Variants in CDH4 observed in about 807,000 individuals in gnomAD.
The protein encoded by CDH4 is cadherin 4.
A neutral mutation model predicts 86.0 loss-of-function variants in CDH4; 33 were observed. The observed-to-expected ratio is 0.38, with a 90% confidence interval of 0.29 to 0.51. The LOEUF is 0.51. Ranked by LOEUF, CDH4 falls within the 20% of genes least tolerant of loss-of-function variation. The probability of loss-of-function intolerance (pLI) is 0.86; values close to 1 mark genes in which losing one functional copy is unlikely to be tolerated. For missense variants in CDH4, 1,114 were observed against 1,307.4 expected (o/e 0.85, Z 2.28); for synonymous variants, 555 against 549.4 (o/e 1.01, Z -0.14).
intron 2 of CDH4, among the ~76,000 whole-genome samples, chr20:61,285,621 C>T (rs2084289408): frequency 6.6e-6 from 1 of 152,184 alleles, no homozygotes; most frequent in South Asian, 2.1e-4. Flanking sequence ...GGAAATGAAA[C>T]ATTATTAACC....
chr20:61,353,675 TC>T (rs1568810374), intron 2 of CDH4, among the ~76,000 whole-genome samples: 1 of 26,310 alleles, frequency 3.8e-5, no homozygotes, highest in Non-Finnish European at 7.0e-5. Flanking sequence ...CTCTTCCCCC[TC>T]CTCCTCCCCC....
intron 2 of CDH4, among the ~76,000 whole-genome samples, chr20:61,587,108 A>G (rs1022455362): frequency 1.3e-5 from 2 of 152,206 alleles, no homozygotes; most frequent in Admixed American, 6.5e-5. Flanking sequence ...TCTCAGCATC[A>G]GTACCATTGA....
At chr20:61,483,285 T>TC (rs951185841) in intron 2 of CDH4, among the ~76,000 whole-genome samples, 21 of 152,144 alleles carry the variant, frequency 1.4e-4, no homozygotes, top group Admixed American at 2.6e-4. Context: ...GACATAACTC[T>TC]CCCCCTTCAA....
At chr20:61,324,804 C>A (rs187298845) in intron 2 of CDH4, among the ~76,000 whole-genome samples, 1 of 152,166 alleles carries the variant, frequency 6.6e-6, no homozygotes, top group East Asian at 1.9e-4. Flanking sequence ...CAAGGCACTT[C>A]GGCTGTGTGT....
intron 7 of CDH4, among the ~76,000 whole-genome samples, chr20:61,882,046 T>C (rs1039360418): frequency 6.6e-6 from 1 of 152,146 alleles, no homozygotes; most frequent in Non-Finnish European, 1.5e-5. Flanking sequence ...GGACAGGTCC[T>C]CCCTCAAGCC....
At chr20:61,918,452 G>T (rs545398904) in intron 9 of CDH4, among the ~76,000 whole-genome samples, 2 of 152,170 alleles carry the variant, frequency 1.3e-5, no homozygotes, top group Non-Finnish European at 2.9e-5. Context: ...CCACACTGGC[G>T]CTGTGCTGGA....
At chr20:61,644,837 G>A (rs1190305343) in intron 2 of CDH4, among the ~76,000 whole-genome samples, 1 of 152,190 alleles carries the variant, frequency 6.6e-6, no homozygotes, top group Non-Finnish European at 1.5e-5. Context: ...CTCCTCCCCG[G>A]CCTGTCCAGC....
chr20:61,386,828 A>G (rs2084953932), intron 2 of CDH4, among the ~76,000 whole-genome samples: 1 of 152,234 alleles, frequency 6.6e-6, no homozygotes, highest in Admixed American at 6.5e-5. Flanking sequence ...CAGGTTCCAA[A>G]GGTGCTTCCT....
chr20:61,602,074 T>C (rs1392799356), intron 2 of CDH4, among the ~76,000 whole-genome samples: 1 of 152,142 alleles, frequency 6.6e-6, no homozygotes, highest in Non-Finnish European at 1.5e-5. Context: ...GGGGTGGAGC[T>C]GCGCCGTGCC....
intron 3 of CDH4, among the ~76,000 whole-genome samples, chr20:61,772,119 G>A (rs2088782110): frequency 6.6e-6 from 1 of 152,216 alleles, no homozygotes; most frequent in Non-Finnish European, 1.5e-5. Context: ...TCCCATAGCA[G>A]TCCCTAAACT....
chr20:61,638,030 T>TAAAAAA lies in CDH4; in HGVS notation c.170-105528_170-105523dup, dbSNP rs10664878. Among the ~76,000 whole-genome samples, 11 of 141,388 alleles carry TAAAAAA rather than the reference T, an allele frequency of 7.8e-5. 1 individual carries two copies. The highest frequency in any genetic ancestry group is 1.1e-4 in the African/African-American group (4 of 37,216). 92.8% of individuals were successfully genotyped at this position (141,388 alleles called of 152,430 possible). A position where few individuals can be genotyped will look rare whatever the true frequency, so the allele number is the denominator to read the frequency against. On this transcript the variant is annotated intron_variant, in intron 2 of 15. Coordinates refer to ENST00000614565, the MANE Select transcript of CDH4 (RefSeq NM_001794.5). The stretch of plus-strand genomic sequence containing the variant: ...TGGGCAACAAGAATAAAACTCCGTC[T>TAAAAAA]AAAAAAAAAATGAAGAGAGGAGAGG...
chr20:61,768,253 A>G (rs1468077680), intron 3 of CDH4, among the ~76,000 whole-genome samples: 1 of 152,220 alleles, frequency 6.6e-6, no homozygotes, highest in Non-Finnish European at 1.5e-5. Context: ...TGTAGAATGC[A>G]TAAACACACA....
intron 2 of CDH4, among the ~76,000 whole-genome samples, chr20:61,525,855 C>T (rs189038719): frequency 1.1e-3 from 166 of 152,252 alleles, no homozygotes; most frequent in Admixed American, 6.8e-3. Flanking sequence ...GGGCCGGGCA[C>T]CGTAAGTCCT....
At chr20:61,342,183 C>T (rs993854448) in intron 2 of CDH4, among the ~76,000 whole-genome samples, 2 of 152,146 alleles carry the variant, frequency 1.3e-5, no homozygotes, top group South Asian at 2.1e-4. Flanking sequence ...TTTGGCACCA[C>T]GGACCCGTTT....
At chr20:61,302,392 A>G (rs999115357) in intron 2 of CDH4, among the ~76,000 whole-genome samples, 3 of 152,246 alleles carry the variant, frequency 2.0e-5, no homozygotes, top group Non-Finnish European at 4.4e-5. Context: ...TAAACCAGCC[A>G]AAGTGATGAA....
chr20:61,472,085 A>G (rs756019087), intron 2 of CDH4, among the ~76,000 whole-genome samples: 2 of 152,178 alleles, frequency 1.3e-5, no homozygotes, highest in Admixed American at 6.5e-5. Flanking sequence ...GATCCATCCA[A>G]TGCTGAAAGT....
rs543205428 is a variant in CDH4 at position 61,281,851 on chromosome 20, C to T, written c.169+26914C>T. On this transcript the variant is annotated intron_variant, in intron 2 of 15. Coordinates refer to ENST00000614565, the MANE Select transcript of CDH4 (RefSeq NM_001794.5). ...GACATGATTGCAGACATGTTAGACACGAAAGAAAACACACTGGCTCTGCAG... is the reference window on the plus strand; with the variant it reads ...GACATGATTGCAGACATGTTAGACATGAAAGAAAACACACTGGCTCTGCAG... Among the ~76,000 whole-genome samples the T allele has an allele frequency of 5.6e-4, 86 of 152,282 alleles. 1 individual carries two copies. Among genetic ancestry groups the T allele is most frequent in the African/African-American group, 1.8e-3 (73 of 41,548 alleles).
chr20:61,499,358 C>T (rs2085684201), intron 2 of CDH4: 3 of 892,116 alleles, frequency 3.4e-6, no homozygotes, highest in Non-Finnish European at 3.2e-6. Context: ...AGAAGGATAG[C>T]AGTGCCTCTT....
chr20:61,581,908 C>A (rs543224356), intron 2 of CDH4, among the ~76,000 whole-genome samples: 2 of 152,178 alleles, frequency 1.3e-5, no homozygotes, highest in South Asian at 2.1e-4. Context: ...TCTCCCCAGC[C>A]GGTAGACCTG....
Sources: allele counts gnomAD v4.1 joint callset (sites outside exome capture counted in the v4.1 genomes callset), GRCh38; gene constraint gnomAD v4.1.1; transcripts MANE v1.5; gene names NCBI Gene and HGNC (gene_info 2026-07-23, HGNC 2026-07-21).